The following GAB1 variants were observed in gnomAD, a reference collection of about 807,000 sequenced individuals.
GAB1 encodes the protein GRB2 associated binding protein 1.
Under a neutral mutation model 66.5 loss-of-function variants are expected in GAB1, and 19 were observed. That is an observed-to-expected ratio of 0.29 (90% CI 0.20 to 0.42). GAB1 has a LOEUF of 0.42. GAB1 is among the 10% of genes least tolerant of loss of function. The probability of loss-of-function intolerance (pLI) is 1.00; values close to 1 mark genes in which losing one functional copy is unlikely to be tolerated. For synonymous variants in GAB1, 294 were observed against 301.4 expected (o/e 0.98, Z 0.25); for missense variants, 732 against 858.5 (o/e 0.85, Z 1.84).
chr4:143,368,120 C>T (rs948684767), intron 1 of GAB1, among the ~76,000 whole-genome samples: 5 of 151,396 alleles, frequency 3.3e-5, no homozygotes, highest in African/African-American at 1.2e-4. Context: ...TATTTTTAGT[C>T]ACATCCACAG....
In GAB1 at chr4:143,469,785, G is replaced by A. The variant is rs904280195; in HGVS notation, c.*596G>A. The A allele has an allele frequency of 1.1e-4, 17 of 152,612 alleles. No homozygotes were observed. Among genetic ancestry groups the A allele is most frequent in the African/African-American group, 3.9e-4 (16 of 41,422 alleles). 9.5% of individuals were successfully genotyped at this position (152,612 alleles called of 1,614,324 possible). ...TAGTTCTCTGGTTAATGTACATTTA[G>A]TTTTTAATGGTGGAACTTTGTTATA... On this transcript the variant is annotated 3_prime_UTR_variant, in exon 10 of 10. Transcript: ENST00000262994.
intron 1 of GAB1, among the ~76,000 whole-genome samples, chr4:143,348,886 TCTC>T: frequency 6.6e-6 from 1 of 152,244 alleles, no homozygotes; most frequent in East Asian, 1.9e-4. Flanking sequence ...TTGCACATGC[TCTC>T]CTCTCCTCCA....
At chr4:143,467,088 T>C (rs1175539520) in intron 9 of GAB1, among the ~76,000 whole-genome samples, 2 of 152,202 alleles carry the variant, frequency 1.3e-5, no homozygotes, top group East Asian at 3.9e-4. Flanking sequence ...TAGTAATTTT[T>C]TTCAGTTTTT....
intron 3 of GAB1, 67 bp from the exon 4 acceptor site, chr4:143,437,932 C>T (rs2149754137): frequency 6.9e-7 from 1 of 1,445,576 alleles, no homozygotes; most frequent in African/African-American, 1.4e-5. Flanking sequence ...TAGCGATAAA[C>T]ATGTTTATAA....
chr4:143,469,202 G>A lies in GAB1; in HGVS notation c.*13G>A. 6.2e-7 allele frequency: 1 copy of A among 1,612,636 alleles called. No individual in the cohort carries two copies. Among genetic ancestry groups the A allele is most frequent in the Non-Finnish European group, 8.5e-7 (1 of 1,179,380 alleles). On this transcript the variant is annotated 3_prime_UTR_variant, in exon 10 of 10. Transcript: ENST00000262994. ...GAGTGTGAAATGAAAATATTGCCTT[G>A]CCATTTCTGAACAAAAGAAAACTGA...
At chr4:143,380,118 G>GT (rs1012975068) in intron 1 of GAB1, among the ~76,000 whole-genome samples, 4 of 150,976 alleles carry the variant, frequency 2.6e-5, no homozygotes, top group African/African-American at 4.9e-5. Flanking sequence ...GTGGGCCTCA[G>GT]TTTTTTTATT....
intron 1 of GAB1, among the ~76,000 whole-genome samples, chr4:143,377,307 A>G (rs1318465009): frequency 6.6e-6 from 1 of 152,156 alleles, no homozygotes; most frequent in Non-Finnish European, 1.5e-5. Flanking sequence ...GGTTGCAACA[A>G]TGCTTTGATT....
At chr4:143,410,831 C>T (rs1020022182) in intron 1 of GAB1, among the ~76,000 whole-genome samples, 76 of 152,006 alleles carry the variant, frequency 5.0e-4, no homozygotes, top group African/African-American at 1.8e-3. Context: ...TTTTGTATTG[C>T]GTATTTAGCA....
chr4:143,429,218 T>G (rs1733524177), intron 2 of GAB1, among the ~76,000 whole-genome samples: 1 of 152,160 alleles, frequency 6.6e-6, no homozygotes, highest in African/African-American at 2.4e-5. Context: ...TTCTCCCACC[T>G]CAGCCTCCTG....
intron 1 of GAB1, among the ~76,000 whole-genome samples, chr4:143,341,069 T>A (rs1271892679): frequency 6.6e-6 from 1 of 152,250 alleles, no homozygotes; most frequent in Non-Finnish European, 1.5e-5. Flanking sequence ...AGGTTCTTTC[T>A]TGTATGTGTT....
chr4:143,395,287 C>T (rs776601362), intron 1 of GAB1: 1 of 152,180 alleles, frequency 6.6e-6, no homozygotes, highest in East Asian at 1.9e-4. Context: ...ACTATCCCTC[C>T]AGCGGCTAGA....
At chr4:143,468,726 C>A (rs1735928454) in intron 9 of GAB1, among the ~76,000 whole-genome samples, 1 of 151,588 alleles carries the variant, frequency 6.6e-6, no homozygotes, top group African/African-American at 2.4e-5. Context: ...GAGTTTGAGA[C>A]CAGCCTGACC....
At chr4:143,467,921 G>A (rs371381883) in intron 9 of GAB1, among the ~76,000 whole-genome samples, 1 of 152,212 alleles carries the variant, frequency 6.6e-6, no homozygotes, top group African/African-American at 2.4e-5. Context: ...TCACTTTCTA[G>A]TGAGCGCAGC....
At chr4:143,401,977 T>C (rs528667554) in intron 1 of GAB1, among the ~76,000 whole-genome samples, 3 of 152,306 alleles carry the variant, frequency 2.0e-5, no homozygotes, top group East Asian at 3.8e-4. Flanking sequence ...TCAGAAATAA[T>C]AGACTCCACC....
At position 143,406,869 on chromosome 4, in the gene GAB1, T is replaced by C. The variant is rs78932373; in HGVS notation, c.73-8608T>C. 2.4e-3 allele frequency among the ~76,000 whole-genome samples: 367 copies of C among 152,322 alleles called. 3 individuals carry two copies. The highest frequency in any genetic ancestry group is 8.5e-3 in the African/African-American group (352 of 41,576). On this transcript the variant is annotated intron_variant, in intron 1 of 9. Coordinates refer to ENST00000262994, the MANE Select transcript of GAB1 (RefSeq NM_002039.4). The stretch of plus-strand genomic sequence containing the variant: ...TAGAGTGTGGGCACAGCCCCAACAA[T>C]TGGGAATATGAGGACAGAAGTGAAA...
At chr4:143,439,923 T>G (rs1185303734) in intron 5 of GAB1, 36 bp downstream of exon 5, 1 of 1,524,246 alleles carries the variant, frequency 6.6e-7, no homozygotes, top group Non-Finnish European at 9.1e-7. Flanking sequence ...TCAAGTGTAT[T>G]TCATTGTCTA....
intron 2 of GAB1, among the ~76,000 whole-genome samples, chr4:143,423,225 A>G (rs1733113239): frequency 6.6e-6 from 1 of 152,214 alleles, no homozygotes; most frequent in African/African-American, 2.4e-5. Context: ...ACAACTTTGA[A>G]GATAGTGCAT....
intron 6 of GAB1, chr4:143,457,831 G>A: frequency 2.2e-6 from 2 of 900,938 alleles, no homozygotes; most frequent in South Asian, 3.4e-5. Context: ...AATGTTTTTT[G>A]TTTTTTTTCT....
intron 6 of GAB1, among the ~76,000 whole-genome samples, chr4:143,451,833 C>G (rs1734945505): frequency 1.3e-5 from 2 of 151,818 alleles, no homozygotes; most frequent in South Asian, 4.2e-4. Flanking sequence ...AAGCGGAACT[C>G]ATACAGCCAT....
Sources: gnomAD v4.1 joint callset for allele counts (sites outside exome capture counted in the v4.1 genomes callset) on GRCh38, gnomAD v4.1.1 for gene constraint, MANE v1.5 for transcripts, NCBI Gene and HGNC (gene_info 2026-07-23, HGNC 2026-07-21) for gene names.